The following NGEF variants were observed in gnomAD, a reference collection of about 807,000 sequenced individuals.
The protein encoded by NGEF is ephexin-1.
In NGEF, 31 loss-of-function variants were observed where a neutral mutation model predicts 80.9. The observed-to-expected ratio is 0.38, with a 90% CI of 0.29 to 0.52. The LOEUF (loss-of-function observed/expected upper bound fraction) is 0.52, where lower values mean the gene tolerates loss of function less well. Among genes scored for constraint, NGEF ranks in the 20% least tolerant of loss-of-function variants. The pLI is 0.84. For synonymous variants in NGEF, 371 were observed against 370.2 expected, an observed-to-expected ratio of 1.00 and a Z score of -0.03; for missense variants, 709 against 926.2, an observed-to-expected ratio of 0.77 and a Z score of 3.04.
chr2:233,008,734 G>A (rs1695140144), intron 1 of NGEF, among the ~76,000 whole-genome samples: 1 of 151,554 alleles, frequency 6.6e-6, no homozygotes, highest in African/African-American at 2.4e-5. Flanking sequence ...TGGCACCTCT[G>A]TTTCTTTTCA....
intron 1 of NGEF, among the ~76,000 whole-genome samples, chr2:232,995,793 T>G (rs1428371110): frequency 6.8e-6 from 1 of 147,600 alleles, no homozygotes; most frequent in East Asian, 2.0e-4. Flanking sequence ...TGTATATGTA[T>G]AATATATGTA....
chr2:232,983,756 C>G (rs151091176), intron 1 of NGEF, among the ~76,000 whole-genome samples: 1 of 152,144 alleles, frequency 6.6e-6, no homozygotes, highest in Non-Finnish European at 1.5e-5. Flanking sequence ...GTATGAATTA[C>G]AGGAACAACT....
At chr2:232,901,214 G>A in intron 5 of NGEF, 3 of 239,312 alleles carry the variant, frequency 1.3e-5, no homozygotes, top group Non-Finnish European at 1.4e-5. Context: ...TGCAGTTCAC[G>A]GTCAAACATG....
rs759568968 is a variant in NGEF, at chr2:232,927,037, C to T, written c.526+7G>A. 3.4e-5 allele frequency: 55 copies of T among 1,613,892 alleles called. 1 individual carries two copies. The highest frequency in any genetic ancestry group is 4.7e-5 in the Non-Finnish European group (55 of 1,179,992). On this transcript the variant is annotated splice_region_variant and intron_variant, in intron 4 of 14. Transcript: ENST00000264051. ...AAATAAAACCCGGTTACTGCGGAGA[C>T]ACCCACCTATTTGTTCAATGAGGTT...
chr2:232,972,003 C>T (rs1404625599), intron 2 of NGEF, among the ~76,000 whole-genome samples: 3 of 152,298 alleles, frequency 2.0e-5, no homozygotes, highest in East Asian at 3.9e-4. Context: ...CCGCTAGCCA[C>T]GTGTGACTAT....
At chr2:232,900,876 A>C (rs1692331695) in intron 5 of NGEF, among the ~76,000 whole-genome samples, 1 of 152,202 alleles carries the variant, frequency 6.6e-6, no homozygotes, top group African/African-American at 2.4e-5. Flanking sequence ...CAGGACCTGA[A>C]GCCAGGTGAG....
intron 1 of NGEF, among the ~76,000 whole-genome samples, chr2:233,012,345 A>C (rs1695226627): frequency 6.6e-6 from 1 of 152,100 alleles, no homozygotes; most frequent in African/African-American, 2.4e-5. Context: ...ATCCAAGAAA[A>C]CTGTGTCCCT....
In NGEF at chr2:232,879,538, C is replaced by T. The variant is rs572449644; in HGVS notation, c.2084G>A (p.Arg695His). The T allele has an allele frequency of 5.6e-6, 9 of 1,613,580 alleles. 1 individual carries two copies. Among genetic ancestry groups the T allele is most frequent in the East Asian group, 4.5e-5 (2 of 44,864 alleles). Residue 695 changes from arginine (R) to histidine (H), a missense_variant, in exon 15 of 15, where the codon CGC becomes CAC. Transcript: ENST00000264051. ...CTTCCTGCGGTCCTTGTTCTGGCTGCGCTGAGGGTCATCCATCTTGTGGAC... is the reference window on the plus strand; with the variant it reads ...CTTCCTGCGGTCCTTGTTCTGGCTGTGCTGAGGGTCATCCATCTTGTGGAC... ...FRVHKMDDPQRSQNKDRRKLG... is the reference protein window; with the variant it reads ...FRVHKMDDPQHSQNKDRRKLG...
chr2:232,926,970 A>G (rs975083390), intron 4 of NGEF, 74 bp downstream of exon 4: 19 of 1,577,750 alleles, frequency 1.2e-5, no homozygotes, highest in Non-Finnish European at 1.4e-5. Context: ...GCATCCCATG[A>G]GCAGGAGGAC....
At chr2:232,906,050 G>A (rs1258597437) in intron 5 of NGEF, among the ~76,000 whole-genome samples, 3 of 131,772 alleles carry the variant, frequency 2.3e-5, no homozygotes, top group Admixed American at 7.2e-5. Context: ...CCGGCCAGCC[G>A]CCCCGTCCGG....
In NGEF at chr2:232,920,299, C is replaced by T. The variant is rs761373460; in HGVS notation, c.813G>A (p.Glu271=). 9 of 1,613,436 alleles carry T rather than the reference C, an allele frequency of 5.6e-6. No individual in the cohort carries two copies. The highest frequency in any genetic ancestry group is 7.6e-6 in the Non-Finnish European group (9 of 1,179,714). The change falls in exon 5 of 15, where the codon GAG becomes GAA. Residue 271 remains glutamate, a synonymous_variant. Transcript: ENST00000264051. Reference sequence around the variant, plus strand: ...CGCCTGTTACCTCCTGCAGCTTAATCTCCTCGGGCTGTAGGATCTCAAGCA... The same window carrying T: ...CGCCTGTTACCTCCTGCAGCTTAATTTCCTCGGGCTGTAGGATCTCAAGCA... ...SGVLEILQPE[E]IKLQEAMFEL...
intron 1 of NGEF, among the ~76,000 whole-genome samples, chr2:232,993,574 T>C (rs1694716924): frequency 6.6e-6 from 1 of 152,138 alleles, no homozygotes; most frequent in Non-Finnish European, 1.5e-5. Flanking sequence ...CTAAGCCTGT[T>C]CCCAAGAGAC....
At chr2:232,909,167 T>A (rs1692640900) in intron 5 of NGEF, among the ~76,000 whole-genome samples, 2 of 152,314 alleles carry the variant, frequency 1.3e-5, no homozygotes, top group South Asian at 4.2e-4. Context: ...AACAGTTTTT[T>A]ATTATGTATG....
intron 3 of NGEF, among the ~76,000 whole-genome samples, chr2:232,938,941 G>A (rs1693384916): frequency 1.3e-5 from 2 of 151,956 alleles, no homozygotes; most frequent in Admixed American, 6.6e-5. Flanking sequence ...AGCACTTTGG[G>A]AGGCCGAGGC....
At chr2:232,978,127 C>G (rs1443478112) in intron 1 of NGEF, among the ~76,000 whole-genome samples, 1 of 151,018 alleles carries the variant, frequency 6.6e-6, no homozygotes, top group Admixed American at 6.6e-5. Flanking sequence ...AGGGGACCCC[C>G]GGGGCCTCTG....
At chr2:232,999,671 G>A (rs891265381) in intron 1 of NGEF, among the ~76,000 whole-genome samples, 12 of 152,248 alleles carry the variant, frequency 7.9e-5, no homozygotes, top group African/African-American at 2.9e-4. Flanking sequence ...GCTCCCGCCT[G>A]TGGGCAAGTT....
intron 1 of NGEF, among the ~76,000 whole-genome samples, chr2:232,980,666 G>A (rs1396319423): frequency 1.3e-5 from 2 of 151,940 alleles, no homozygotes; most frequent in African/African-American, 2.4e-5. Flanking sequence ...GCCTGGCTAC[G>A]TTTTTCTTTT....
intron 3 of NGEF, chr2:232,927,842 A>G: frequency 1.7e-6 from 2 of 1,186,782 alleles, no homozygotes; most frequent in East Asian, 3.4e-5. Context: ...AAGCTGGGAA[A>G]GAGGCACGCG....
chr2:232,952,799 C>A (rs1693703109), intron 3 of NGEF, among the ~76,000 whole-genome samples: 1 of 150,518 alleles, frequency 6.6e-6, no homozygotes, highest in Non-Finnish European at 1.5e-5. Context: ...GAGACCCCAT[C>A]TCTACTAAAA....
Sources: allele counts gnomAD v4.1 joint callset (sites outside exome capture counted in the v4.1 genomes callset), GRCh38; gene constraint gnomAD v4.1.1; transcripts MANE v1.5; gene names NCBI Gene and HGNC (gene_info 2026-07-23, HGNC 2026-07-21).